The following LYPD1 variants were observed in gnomAD, a reference collection of about 807,000 sequenced individuals.
The protein encoded by LYPD1 is ly6/PLAUR domain-containing protein 1.
In LYPD1, 14 loss-of-function variants were observed where a neutral mutation model predicts 14.2. The ratio of observed to expected loss-of-function variants is 0.99; its 90% confidence interval spans 0.65 to 1.54. LYPD1 has a LOEUF of 1.54. LYPD1 is among the 40% of genes most tolerant of loss of function. The probability of loss-of-function intolerance (pLI) is 0.00; values close to 1 mark genes in which losing one functional copy is unlikely to be tolerated. For synonymous variants in LYPD1, 85 were observed against 70.6 expected, an observed-to-expected ratio of 1.20 and a Z score of -1.02; for missense variants, 165 against 175.7, an observed-to-expected ratio of 0.94 and a Z score of 0.34.
At chr2:132,646,351 A>C (rs1682077408) in intron 2 of LYPD1, 71 bp from the exon 3 acceptor site, 1 of 1,074,030 alleles carries the variant, frequency 9.3e-7, no homozygotes. Context: ...CTCAGCCCAA[A>C]TCCAAACGGA....
chr2:132,668,587 C>T (rs780011121), intron 1 of LYPD1, 50 bp from the exon 2 acceptor site: 1 of 1,596,896 alleles, frequency 6.3e-7, no homozygotes, highest in East Asian at 2.3e-5. Context: ...CAGAGCCCAC[C>T]CCGGAAATCA....
At position 132,655,514 on chromosome 2, in the gene LYPD1, A is replaced by ATTTTTTTTTTTTTTTT. The variant is rs1180944589; in HGVS notation, c.191-9250_191-9235dup. On this transcript the variant is annotated intron_variant, in intron 2 of 2. Transcript: ENST00000397463. Reference sequence around the variant, plus strand: ...ATGATTCTCTTGGGGGTTGAGAAGCATTTTTTTTTTTTTTTTTTGAGATGG... The same window carrying ATTTTTTTTTTTTTTTT: ...ATGATTCTCTTGGGGGTTGAGAAGCATTTTTTTTTTTTTTTTTTTTTTTTTTTTTTTTTTGAGATGG... Among the ~76,000 whole-genome samples, 22 of 99,458 alleles carry ATTTTTTTTTTTTTTTT rather than the reference A, an allele frequency of 2.2e-4. 5 individuals carry two copies. Among genetic ancestry groups the ATTTTTTTTTTTTTTTT allele is most frequent in the African/African-American group, 8.7e-4 (18 of 20,796 alleles). The allele number at this position is 99,458 out of a possible 152,430, so 65.2% of individuals were successfully genotyped here.
rs796830945 is a variant in LYPD1 at position 132,661,558 on chromosome 2, A to AAAAAC, written c.190+6837_190+6841dup. 1.1e-4 allele frequency among the ~76,000 whole-genome samples: 17 copies of AAAAAC among 152,060 alleles called. No homozygotes were observed. The East Asian group carries it at 2.3e-3, about 21-fold the overall frequency. ...GAAGGACACATCTACCTATGGAATA[A>AAAAAC]AAAACAAAACAAAACAAAAGTGGAA... On this transcript the variant is annotated intron_variant, in intron 2 of 2. Coordinates refer to ENST00000397463, the MANE Select transcript of LYPD1 (RefSeq NM_144586.7).
intron 2 of LYPD1, among the ~76,000 whole-genome samples, chr2:132,665,700 CAA>C (rs1265731449): frequency 6.6e-6 from 1 of 152,148 alleles, no homozygotes; most frequent in Admixed American, 6.5e-5. Context: ...CTCTGTAACA[CAA>C]AAAGTTTTGT....
In LYPD1 at chr2:132,669,466, TG is replaced by T. The variant is rs991197741; in HGVS notation, c.52+414del. ...TGAGCGCAGCAACCCAGCTTCAGCG[TG>T]GCCGCAGGCTGCCTCGCGCATCGCT... On this transcript the variant is annotated intron_variant, in intron 1 of 2. Coordinates refer to ENST00000397463, the MANE Select transcript of LYPD1 (RefSeq NM_144586.7). The surrounding 1 kb of genome is among the most constrained non-coding windows in gnomAD (Gnocchi z 4.3). 4.6e-5 allele frequency among the ~76,000 whole-genome samples: 7 copies of T among 152,100 alleles called. No homozygotes were observed. The highest frequency in any genetic ancestry group is 1.7e-4 in the African/African-American group (7 of 41,418).
intron 2 of LYPD1, among the ~76,000 whole-genome samples, chr2:132,661,086 G>A (rs900283282): frequency 6.6e-6 from 1 of 152,152 alleles, no homozygotes; most frequent in South Asian, 2.1e-4. Flanking sequence ...AGAGAATAGG[G>A]TCTCTTCTAG....
chr2:132,646,003 G>T lies in LYPD1; in HGVS notation c.*42C>A, dbSNP rs746674812. The T allele has an allele frequency of 1.5e-5, 22 of 1,436,850 alleles. No individual in the cohort carries two copies. The highest frequency in any genetic ancestry group is 2.1e-5 in the Non-Finnish European group (22 of 1,069,720). The allele number at this position is 1,436,850 out of a possible 1,614,324, so 89.0% of individuals were successfully genotyped here. On this transcript the variant is annotated 3_prime_UTR_variant, in exon 3 of 3. Coordinates refer to ENST00000397463, the MANE Select transcript of LYPD1 (RefSeq NM_144586.7). Reference sequence around the variant, plus strand: ...GGGAGGTGGGGGGTTGGGGGCGAGGGCTGGAAGAACAATGCAGGAGGGGGT... The same window carrying T: ...GGGAGGTGGGGGGTTGGGGGCGAGGTCTGGAAGAACAATGCAGGAGGGGGT...
At chr2:132,648,425 T>G (rs1682226835) in intron 2 of LYPD1, among the ~76,000 whole-genome samples, 3 of 152,340 alleles carry the variant, frequency 2.0e-5, no homozygotes, top group Admixed American at 1.3e-4. Context: ...CCAGGCTGGT[T>G]TCTGTACATT....
intron 2 of LYPD1, among the ~76,000 whole-genome samples, chr2:132,658,488 T>G (rs1008110272): frequency 6.6e-6 from 1 of 152,180 alleles, no homozygotes; most frequent in Non-Finnish European, 1.5e-5. Context: ...GTTGCAGCCA[T>G]AGCTGCCTTG....
intron 2 of LYPD1, among the ~76,000 whole-genome samples, chr2:132,665,996 AC>A (rs1415607208): frequency 6.6e-6 from 1 of 152,190 alleles, no homozygotes; most frequent in East Asian, 1.9e-4. Context: ...AACAGGCATT[AC>A]TTTCTCTGGA....
At chr2:132,664,019 G>C (rs1015761490) in intron 2 of LYPD1, among the ~76,000 whole-genome samples, 2 of 152,190 alleles carry the variant, frequency 1.3e-5, no homozygotes, top group East Asian at 1.9e-4. Context: ...AAATGGAAAA[G>C]TATATCCACA....
chr2:132,668,429 C>T lies in LYPD1; in HGVS notation c.161G>A (p.Cys54Tyr), dbSNP rs1683413776. 6.2e-7 allele frequency: 1 copy of T among 1,608,262 alleles called. No individual in the cohort carries two copies. The highest frequency in any genetic ancestry group is 1.3e-5 in the African/African-American group (1 of 74,674). ...VNCTVNVQDM[C>Y]QKEVMEQSAG... ...ACTTTGCTCCATCACTTCTTTCTGA[C>T]ACATGTCTTGAACGTTCACCGTGCA... Residue 54 changes from cysteine (C) to tyrosine (Y), a missense_variant, in exon 2 of 3, where the codon TGT becomes TAT. By Grantham distance (194) the Cys-to-Tyr change is radical (BLOSUM62 -2). Transcript: ENST00000397463.
At chr2:132,650,606 A>G (rs1682322718) in intron 2 of LYPD1, among the ~76,000 whole-genome samples, 1 of 152,138 alleles carries the variant, frequency 6.6e-6, no homozygotes, top group African/African-American at 2.4e-5. Context: ...TTATCTGCAC[A>G]CTGCAATTCC....
chr2:132,658,642 G>A (rs901322243), intron 2 of LYPD1, among the ~76,000 whole-genome samples: 8 of 152,244 alleles, frequency 5.3e-5, no homozygotes, highest in East Asian at 1.9e-4. Flanking sequence ...CAGACAGCAG[G>A]AGAGTAAAAA....
At chr2:132,667,518 A>C (rs560728907) in intron 2 of LYPD1, among the ~76,000 whole-genome samples, 1 of 152,346 alleles carries the variant, frequency 6.6e-6, no homozygotes, top group African/African-American at 2.4e-5. Context: ...TCACAGAACT[A>C]AAGGAAGTGG....
At position 132,668,491 on chromosome 2, in the gene LYPD1, C is replaced by G; in HGVS notation, c.99G>C (p.Leu33=). The G allele has an allele frequency of 6.2e-7, 1 of 1,612,044 alleles. No homozygotes were observed. The highest frequency in any genetic ancestry group is 8.5e-7 in the Non-Finnish European group (1 of 1,179,124). ...ACTCGGGGGAGGAGCAGTCGTTGTTCAGCTGGAATTCTTCACACTGGTAGC... is the reference window on the plus strand; with the variant it reads ...ACTCGGGGGAGGAGCAGTCGTTGTTGAGCTGGAATTCTTCACACTGGTAGC... ...IQCYQCEEFQ[L]NNDCSSPEFI... is the part of the protein sequence containing the mutation. The change falls in exon 2 of 3, where the codon CTG becomes CTC. Residue 33 remains leucine, a synonymous_variant. Transcript: ENST00000397463.
chr2:132,669,666 C>T lies in LYPD1; in HGVS notation c.52+215G>A, dbSNP rs1683522340. ...GCCGGACAAGCTGCAGCCCGGAGTC[C>T]CGCAAACCCGCCGCTCCCCGCTCTC... On this transcript the variant is annotated intron_variant, in intron 1 of 2. Coordinates refer to ENST00000397463, the MANE Select transcript of LYPD1 (RefSeq NM_144586.7). The surrounding 1 kb of genome is among the most constrained non-coding windows in gnomAD (Gnocchi z 4.3). 6.6e-6 allele frequency among the ~76,000 whole-genome samples: 1 copy of T among 152,078 alleles called. No homozygotes were observed. The highest frequency in any genetic ancestry group is 1.5e-5 in the Non-Finnish European group (1 of 68,004).
intron 2 of LYPD1, among the ~76,000 whole-genome samples, chr2:132,657,597 A>T (rs964842): frequency 6.6e-6 from 1 of 152,104 alleles, no homozygotes; most frequent in Non-Finnish European, 1.5e-5. Flanking sequence ...AACCCAAAGC[A>T]CCCTTATATT....
At chr2:132,660,158 C>G (rs776641300) in intron 2 of LYPD1, among the ~76,000 whole-genome samples, 12 of 152,342 alleles carry the variant, frequency 7.9e-5, no homozygotes, top group Admixed American at 3.3e-4. Context: ...AAGCTATTGT[C>G]CATGTCCAGT....
Sources: gnomAD v4.1 joint callset for allele counts (sites outside exome capture counted in the v4.1 genomes callset) on GRCh38, gnomAD v4.1.1 for gene constraint, Gnocchi (gnomAD v3.1) non-coding constraint, MANE v1.5 for transcripts, NCBI Gene and HGNC (gene_info 2026-07-23, HGNC 2026-07-21) for gene names.